The following CNTN4 variants were observed in gnomAD, a reference collection of about 807,000 sequenced individuals.
CNTN4 encodes the protein contactin 4, also known as contactin-4.
In CNTN4, 77 loss-of-function variants were observed where a neutral mutation model predicts 122.5. The ratio of observed to expected loss-of-function variants is 0.63; its 90% CI spans 0.52 to 0.76. CNTN4 has a LOEUF of 0.76. CNTN4 is among the 30% of genes least tolerant of loss of function. The probability of loss-of-function intolerance (pLI) is 0.00; values close to 1 mark genes in which losing one functional copy is unlikely to be tolerated. For synonymous variants in CNTN4, 512 were observed against 447.0 expected, an observed-to-expected ratio of 1.15 and a Z score of -1.83; for missense variants, 1,256 against 1,259.1, an observed-to-expected ratio of 1.00 and a Z score of 0.04.
intron 6 of CNTN4, among the ~76,000 whole-genome samples, chr3:2,782,497 GTGTGT>G (rs2091641106): frequency 6.6e-6 from 1 of 151,180 alleles, no homozygotes; most frequent in Non-Finnish European, 1.5e-5. Flanking sequence ...GTGTGTGTGT[GTGTGT>G]GTGTGTGTGT....
At chr3:2,119,603 C>T (rs1333137551) in intron 2 of CNTN4, among the ~76,000 whole-genome samples, 2 of 152,184 alleles carry the variant, frequency 1.3e-5, no homozygotes, top group African/African-American at 4.8e-5. Context: ...GAATTTGTTA[C>T]TCCCTGGAAA....
At chr3:2,153,520 C>A (rs779124903) in intron 2 of CNTN4, among the ~76,000 whole-genome samples, 2 of 152,054 alleles carry the variant, frequency 1.3e-5, no homozygotes, top group Non-Finnish European at 2.9e-5. Flanking sequence ...ATTTTAAACA[C>A]GAATATAGGC....
At chr3:2,460,907 A>G (rs1286787337) in intron 3 of CNTN4, among the ~76,000 whole-genome samples, 2 of 151,992 alleles carry the variant, frequency 1.3e-5, no homozygotes, top group Non-Finnish European at 1.5e-5. Context: ...GTTCTCATGT[A>G]GCTTCCAGTT....
intron 4 of CNTN4, among the ~76,000 whole-genome samples, chr3:2,609,884 A>G (rs2081410553): frequency 6.6e-6 from 1 of 152,186 alleles, no homozygotes; most frequent in African/African-American, 2.4e-5. Context: ...GTTTCATTAA[A>G]CAAATGTCAT....
chr3:2,149,614 A>C (rs1354653754), intron 2 of CNTN4, among the ~76,000 whole-genome samples: 1 of 152,180 alleles, frequency 6.6e-6, no homozygotes, highest in Non-Finnish European at 1.5e-5. Flanking sequence ...TGCTATGTAG[A>C]TACTACTCTA....
chr3:2,650,662 C>G (rs1019646030), intron 4 of CNTN4, among the ~76,000 whole-genome samples: 4 of 152,202 alleles, frequency 2.6e-5, no homozygotes, highest in African/African-American at 9.6e-5. Context: ...CAGCAGCCAT[C>G]TTAATCGAGG....
intron 4 of CNTN4, among the ~76,000 whole-genome samples, chr3:2,582,399 T>TC (rs2079983730): frequency 2.6e-5 from 4 of 151,618 alleles, no homozygotes; most frequent in Admixed American, 2.6e-4. Context: ...CAAACTGTAA[T>TC]CCCAATCTGT....
intron 6 of CNTN4, among the ~76,000 whole-genome samples, chr3:2,775,526 T>C (rs1307691391): frequency 6.6e-6 from 1 of 152,152 alleles, no homozygotes; most frequent in Non-Finnish European, 1.5e-5. Flanking sequence ...TTCAAGTGAT[T>C]CTCATGCCTC....
intron 3 of CNTN4, among the ~76,000 whole-genome samples, chr3:2,563,078 A>C (rs541017241): frequency 6.6e-6 from 1 of 152,102 alleles, no homozygotes; most frequent in African/African-American, 2.4e-5. Context: ...TCTGGGTCAA[A>C]TGGTAGTTCT....
At chr3:2,887,638 G>C (rs2093993926) in intron 10 of CNTN4, among the ~76,000 whole-genome samples, 1 of 150,760 alleles carries the variant, frequency 6.6e-6, no homozygotes, top group African/African-American at 2.4e-5. Flanking sequence ...TTTTGTAATT[G>C]CTCCTATTTG....
intron 3 of CNTN4, among the ~76,000 whole-genome samples, chr3:2,464,324 T>G (rs2075421148): frequency 6.6e-6 from 1 of 152,252 alleles, no homozygotes; most frequent in Admixed American, 6.5e-5. Context: ...CAGTTATTTC[T>G]AAGTGTTGTT....
chr3:2,157,247 G>A (rs2035761201), intron 2 of CNTN4, among the ~76,000 whole-genome samples: 1 of 152,190 alleles, frequency 6.6e-6, no homozygotes, highest in Admixed American at 6.5e-5. Context: ...GTGAGACTGG[G>A]TTGAGATTGA....
intron 2 of CNTN4, among the ~76,000 whole-genome samples, chr3:2,255,899 C>T (rs911158666): frequency 3.9e-5 from 6 of 152,032 alleles, no homozygotes; most frequent in African/African-American, 1.2e-4. Context: ...CAAAAGCAAA[C>T]AAATTCAAAA....
chr3:2,794,336 A>G (rs2092104103), intron 6 of CNTN4, among the ~76,000 whole-genome samples: 1 of 152,106 alleles, frequency 6.6e-6, no homozygotes. Context: ...TCAACAATTA[A>G]CAGTTCACAT....
intron 13 of CNTN4, among the ~76,000 whole-genome samples, chr3:2,942,941 A>T (rs1321549294): frequency 6.6e-6 from 1 of 152,146 alleles, no homozygotes; most frequent in Non-Finnish European, 1.5e-5. Flanking sequence ...GACTTTATTT[A>T]CTTTAGGAAT....
intron 3 of CNTN4, among the ~76,000 whole-genome samples, chr3:2,389,022 G>A (rs149261421): frequency 0.012 from 1,885 of 151,100 alleles, 31 homozygotes; most frequent in African/African-American, 0.041. Context: ...TTAGCCAGGC[G>A]TGGTGGTGTG....
chr3:2,582,598 C>G (rs774253692), intron 4 of CNTN4, among the ~76,000 whole-genome samples: 2 of 152,132 alleles, frequency 1.3e-5, no homozygotes, highest in African/African-American at 4.8e-5. Context: ...TGAACTCTCT[C>G]ATGTTAATTC....
chr3:2,844,505 T>C (rs914563360), intron 7 of CNTN4, among the ~76,000 whole-genome samples: 1 of 152,124 alleles, frequency 6.6e-6, no homozygotes, highest in Admixed American at 6.5e-5. Flanking sequence ...GACGCCTCGA[T>C]GGAAAAGTTT....
intron 2 of CNTN4, among the ~76,000 whole-genome samples, chr3:2,245,082 T>G (rs935742613): frequency 6.6e-6 from 1 of 152,176 alleles, no homozygotes; most frequent in South Asian, 2.1e-4. Context: ...TTAAATACCC[T>G]GAGAAGTCTT....
Sources: gnomAD v4.1 joint callset for allele counts (sites outside exome capture counted in the v4.1 genomes callset) on GRCh38, gnomAD v4.1.1 for gene constraint, MANE v1.5 for transcripts, NCBI Gene and HGNC (gene_info 2026-07-23, HGNC 2026-07-21) for gene names.